Variants in PDILT observed in about 807,000 individuals in gnomAD.
PDILT encodes the protein protein disulfide isomerase like, testis expressed, also known as protein disulfide-isomerase-like protein of the testis.
In PDILT, 43 loss-of-function variants were observed where a neutral mutation model predicts 53.7. That is an observed-to-expected ratio of 0.80 (90% confidence interval 0.63 to 1.03). The LOEUF (loss-of-function observed/expected upper bound fraction) is 1.03. Among genes scored for constraint, PDILT ranks in the 50% least tolerant of loss-of-function variants. The pLI is 0.00. For synonymous variants in PDILT, 282 were observed against 274.2 expected (o/e 1.03, Z -0.28); for missense variants, 727 against 712.3 (o/e 1.02, Z -0.24).
chr16:20,371,572 G>C (rs953152204), intron 7 of PDILT, among the ~76,000 whole-genome samples: 2 of 152,222 alleles, frequency 1.3e-5, no homozygotes, highest in Admixed American at 6.5e-5. Context: ...TGTTGAAACA[G>C]TATTAATTCA....
chr16:20,366,047 G>A (rs180749556), intron 8 of PDILT, among the ~76,000 whole-genome samples: 104 of 145,098 alleles, frequency 7.2e-4, no homozygotes, highest in Non-Finnish European at 3.9e-4. Flanking sequence ...CAGAGATTGC[G>A]CTACTGCACA....
chr16:20,376,926 G>A (rs1000795407), intron 3 of PDILT, among the ~76,000 whole-genome samples: 3 of 152,216 alleles, frequency 2.0e-5, no homozygotes, highest in East Asian at 1.9e-4. Flanking sequence ...AGTTTCACAT[G>A]ATGGAAAGTA....
At chr16:20,365,390 T>A (rs1312618642) in intron 9 of PDILT, 30 bp downstream of exon 9, 11 of 1,610,402 alleles carry the variant, frequency 6.8e-6, no homozygotes, top group Non-Finnish European at 6.8e-6. Context: ...TGGCACCCGT[T>A]GCCTCAGAAC....
intron 7 of PDILT, among the ~76,000 whole-genome samples, chr16:20,371,063 G>A (rs772327864): frequency 2.0e-5 from 3 of 152,150 alleles, no homozygotes; most frequent in Non-Finnish European, 2.9e-5. Context: ...TCACTTTACA[G>A]ACTGGCTCTG....
intron 3 of PDILT, among the ~76,000 whole-genome samples, chr16:20,379,980 T>C (rs952867166): frequency 2.0e-5 from 3 of 152,246 alleles, no homozygotes; most frequent in South Asian, 2.1e-4. Flanking sequence ...GTTTCTCTTA[T>C]ATGCTTTTGT....
At chr16:20,395,296 A>C (rs1387482693) in intron 2 of PDILT, among the ~76,000 whole-genome samples, 1 of 152,244 alleles carries the variant, frequency 6.6e-6, no homozygotes, top group Non-Finnish European at 1.5e-5. Flanking sequence ...CTAGCCAATA[A>C]GATGTTACCA....
Position 20,374,928 on chromosome 16 carries a change from T to C in PDILT, c.575A>G (p.Tyr192Cys). Residue 192 changes from tyrosine (Y) to cysteine (C), a missense_variant, in exon 5 of 12, where the codon TAT becomes TGT. Coordinates refer to ENST00000302451, the MANE Select transcript of PDILT (RefSeq NM_174924.2). Reference protein sequence around the residue: ...DLEEEVAELFYDVIKDFPELT... With the variant: ...DLEEEVAELFCDVIKDFPELT... ...CTCTGGAAAGTCTTTGATCACATCATAGAACAACTCTGCTACTTCTTCCTC... is the reference window on the plus strand; with the variant it reads ...CTCTGGAAAGTCTTTGATCACATCACAGAACAACTCTGCTACTTCTTCCTC... 1 of 1,613,338 alleles carries C rather than the reference T, an allele frequency of 6.2e-7. No homozygotes were observed. Among genetic ancestry groups the C allele is most frequent in the Non-Finnish European group, 8.5e-7 (1 of 1,179,566 alleles).
chr16:20,361,188 CTCTT>C (rs1966095241), intron 10 of PDILT, among the ~76,000 whole-genome samples: 2 of 93,030 alleles, frequency 2.1e-5, no homozygotes, highest in Admixed American at 1.9e-4. Flanking sequence ...GTTCCCTTTC[CTCTT>C]TTTTTTTTTT....
chr16:20,372,954 C>T, intron 6 of PDILT, 27 bp from the exon 7 acceptor site: 1 of 1,613,770 alleles, frequency 6.2e-7, no homozygotes. Flanking sequence ...AATATGTCAT[C>T]CCAAGCACAC....
chr16:20,375,009 T>C, intron 4 of PDILT, 50 bp from the exon 5 acceptor site: 1 of 1,554,542 alleles, frequency 6.4e-7, no homozygotes, highest in Non-Finnish European at 8.7e-7. Flanking sequence ...TCAAGGTGCC[T>C]GGTTTATATA....
chr16:20,372,749 G>A (rs1966324432), intron 7 of PDILT, 53 bp downstream of exon 7: 1 of 1,590,948 alleles, frequency 6.3e-7, no homozygotes, highest in Non-Finnish European at 8.6e-7. Context: ...AGGGTCTGCA[G>A]GTCTTGGATC....
At chr16:20,368,512 G>C (rs1416207110) in intron 8 of PDILT, among the ~76,000 whole-genome samples, 1 of 152,148 alleles carries the variant, frequency 6.6e-6, no homozygotes, top group Non-Finnish European at 1.5e-5. Context: ...TGGGAGAATG[G>C]ACAAAAGGCT....
chr16:20,383,019 C>A (rs774924018), intron 3 of PDILT, among the ~76,000 whole-genome samples: 1 of 152,186 alleles, frequency 6.6e-6, no homozygotes, highest in African/African-American at 2.4e-5. Context: ...GGAGCAGGCA[C>A]CCTGGCCTGA....
intron 8 of PDILT, among the ~76,000 whole-genome samples, chr16:20,365,944 G>C (rs1053306199): frequency 6.6e-6 from 1 of 152,022 alleles, no homozygotes; most frequent in African/African-American, 2.4e-5. Context: ...ACAAATATTA[G>C]CTGGGTATGG....
intron 9 of PDILT, among the ~76,000 whole-genome samples, chr16:20,363,083 A>AAG (rs1046089092): frequency 6.6e-6 from 1 of 150,912 alleles, no homozygotes; most frequent in African/African-American, 2.4e-5. Context: ...AAAAAAAAAA[A>AAG]AAAAAAAAGG....
At chr16:20,365,722 G>T (rs374786558) in intron 8 of PDILT, among the ~76,000 whole-genome samples, 182 bp from the exon 9 acceptor site, 5 of 152,154 alleles carry the variant, frequency 3.3e-5, no homozygotes, top group African/African-American at 1.2e-4. Context: ...GGTTCAGGGC[G>T]ATTTGGGGTC....
chr16:20,383,981 T>C lies in PDILT; in HGVS notation c.409+664A>G, dbSNP rs182628641. Among the ~76,000 whole-genome samples the C allele has an allele frequency of 2.3e-3, 355 of 152,354 alleles. 1 individual carries two copies. Among genetic ancestry groups the C allele is most frequent in the Non-Finnish European group, 3.5e-3 (238 of 68,032 alleles). ...AATAAATGGATGCTGAATAAATGAA[T>C]GAACGAGTTAATCAATGAATGAAAA... On this transcript the variant is annotated intron_variant, in intron 3 of 11. Coordinates refer to ENST00000302451, the MANE Select transcript of PDILT (RefSeq NM_174924.2).
intron 2 of PDILT, chr16:20,388,946 T>C (rs530640214): frequency 1.3e-5 from 2 of 152,268 alleles, no homozygotes; most frequent in South Asian, 4.2e-4. Flanking sequence ...TGGTTTTCCT[T>C]CTGGGCTCTG....
At position 20,399,140 on chromosome 16, in the gene PDILT, G is replaced by A. The variant is rs1469569129; in HGVS notation, c.161C>T (p.Thr54Ile). The A allele has an allele frequency of 2.5e-6, 4 of 1,614,080 alleles. 1 individual carries two copies. The South Asian group carries it at 3.3e-5, about 13-fold the overall frequency. The change falls in exon 2 of 12, where the codon ACC (threonine) becomes ATC (isoleucine). Residue 54 changes from threonine to isoleucine, a missense_variant. Transcript: ENST00000302451. ...GAAGCGGGTCTGGTTCAGCATCTGG[G>A]TCAGGCCAGCGGGCGTTAGCACTAG... ...SLLVLTPAGLTQMLNQTRFLM... is the reference protein window; with the variant it reads ...SLLVLTPAGLIQMLNQTRFLM...
Sources: gnomAD v4.1 joint callset for allele counts (sites outside exome capture counted in the v4.1 genomes callset) on GRCh38, gnomAD v4.1.1 for gene constraint, MANE v1.5 for transcripts, NCBI Gene and HGNC (gene_info 2026-07-23, HGNC 2026-07-21) for gene names.